UBE2R2: variants seen among roughly 807,000 people sequenced by gnomAD.
The protein encoded by UBE2R2 is ubiquitin conjugating enzyme E2 R2.
UBE2R2 carries 1 observed loss-of-function variant against 27.8 expected under a neutral mutation model. The ratio of observed to expected loss-of-function variants is 0.04; its 90% CI spans 0.01 to 0.17. UBE2R2 has a LOEUF of 0.17. Among genes scored for constraint, UBE2R2 ranks in the 10% least tolerant of loss-of-function variants. The pLI is 1.00. For synonymous variants in UBE2R2, 106 were observed against 113.3 expected, an observed-to-expected ratio of 0.94 and a Z score of 0.41; for missense variants, 100 against 291.0, an observed-to-expected ratio of 0.34 and a Z score of 4.78.
intron 1 of UBE2R2, among the ~76,000 whole-genome samples, chr9:33,834,425 T>A (rs1820567673): frequency 6.6e-6 from 1 of 151,726 alleles, no homozygotes; most frequent in South Asian, 2.1e-4. Context: ...TTGGTCAGGC[T>A]GGTCTCGCAC....
chr9:33,827,164 A>G (rs1007686870), intron 1 of UBE2R2, among the ~76,000 whole-genome samples: 1 of 152,188 alleles, frequency 6.6e-6, no homozygotes, highest in Non-Finnish European at 1.5e-5. Context: ...CGCTGTTCGA[A>G]TAAAAAAAAA....
chr9:33,860,106 CT>C (rs10606799), intron 1 of UBE2R2, among the ~76,000 whole-genome samples: 109,036 of 148,332 alleles, frequency 0.74, 40,366 homozygotes, highest in East Asian at 0.86. Flanking sequence ...CTTGCCTGCC[CT>C]TTTTTTTTTT....
At chr9:33,855,253 T>G (rs190051894) in intron 1 of UBE2R2, among the ~76,000 whole-genome samples, 4 of 152,210 alleles carry the variant, frequency 2.6e-5, no homozygotes, top group Middle Eastern at 3.2e-3. Context: ...TCCTTCAGTT[T>G]ATTTTTTTCC....
At position 33,918,600 on chromosome 9, in the gene UBE2R2, C is replaced by T. The variant is rs1359807612; in HGVS notation, c.*1363C>T. On this transcript the variant is annotated 3_prime_UTR_variant, in exon 5 of 5. Coordinates refer to ENST00000263228, the MANE Select transcript of UBE2R2 (RefSeq NM_017811.4). ...TTGAGATCCAGCAGCCTTCACCATC[C>T]AGGAGACTTCAGAACTTGAAGGTAA... 1.3e-5 allele frequency: 2 copies of T among 152,356 alleles called. No individual in the cohort carries two copies. Among genetic ancestry groups the T allele is most frequent in the African/African-American group, 4.8e-5 (2 of 41,400 alleles). The allele number at this position is 152,356 out of a possible 1,614,324, so 9.4% of individuals were successfully genotyped here.
intron 1 of UBE2R2, among the ~76,000 whole-genome samples, chr9:33,838,327 G>A (rs1365559605): frequency 6.7e-6 from 1 of 148,470 alleles, no homozygotes; most frequent in Non-Finnish European, 1.5e-5. Context: ...TAGAACCCAG[G>A]GATATGGAGG....
intron 3 of UBE2R2, among the ~76,000 whole-genome samples, chr9:33,908,135 C>G (rs992726343): frequency 6.6e-6 from 1 of 152,080 alleles, no homozygotes; most frequent in African/African-American, 2.4e-5. Flanking sequence ...TGAAATAGTT[C>G]TTAAATTCAA....
chr9:33,864,170 T>C (rs1175553141), intron 1 of UBE2R2, among the ~76,000 whole-genome samples: 2 of 152,092 alleles, frequency 1.3e-5, no homozygotes, highest in East Asian at 1.9e-4. Context: ...TGTAAGTATA[T>C]GAGGTGTTAA....
chr9:33,873,834 G>T (rs1346305212), intron 1 of UBE2R2, among the ~76,000 whole-genome samples: 1 of 152,068 alleles, frequency 6.6e-6, no homozygotes, highest in Non-Finnish European at 1.5e-5. Context: ...GTGGAGACGG[G>T]GTTTCACCAT....
At chr9:33,851,999 T>C (rs933387391) in intron 1 of UBE2R2, among the ~76,000 whole-genome samples, 4 of 152,088 alleles carry the variant, frequency 2.6e-5, no homozygotes, top group Non-Finnish European at 5.9e-5. Context: ...TCCACCGTAA[T>C]GAGATAGGTG....
intron 4 of UBE2R2, among the ~76,000 whole-genome samples, chr9:33,915,146 T>C (rs1822612702): frequency 6.8e-6 from 1 of 147,168 alleles, no homozygotes. Context: ...AAAAAAAAAA[T>C]CAAATAGTTG....
rs1454681705 is a variant in UBE2R2, at chr9:33,919,261, G to A, written c.*2024G>A. 1 of 152,132 alleles carries A rather than the reference G, an allele frequency of 6.6e-6. No homozygotes were observed. The highest frequency in any genetic ancestry group is 1.5e-5 in the Non-Finnish European group (1 of 68,032). The allele number at this position is 152,132 out of a possible 1,614,324, so 9.4% of individuals were successfully genotyped here. On this transcript the variant is annotated 3_prime_UTR_variant, in exon 5 of 5. Transcript: ENST00000263228. ...CAGATTAACCTGCAAATCTTGTGGA[G>A]CCAAAGCCTCTCACAGTGCTGATTT...
chr9:33,880,494 T>C (rs563152702), intron 1 of UBE2R2, among the ~76,000 whole-genome samples: 2 of 152,330 alleles, frequency 1.3e-5, no homozygotes, highest in East Asian at 1.9e-4. Context: ...ATATGCTATG[T>C]ATTATGTCAT....
At position 33,897,024 on chromosome 9, in the gene UBE2R2, A is replaced by ATTTTTTTTTTT. The variant is rs749987839; in HGVS notation, c.265-3130_265-3120dup. ...CCAAGTAGCATACTTCTGTGGCCTA[A>ATTTTTTTTTTT]TTTTTTTTTTTTTTTTTTTTTTTTT... On this transcript the variant is annotated intron_variant, in intron 2 of 4. Transcript: ENST00000263228. Among the ~76,000 whole-genome samples the ATTTTTTTTTTT allele has an allele frequency of 5.2e-4, 21 of 40,636 alleles. 9 individuals are homozygous for ATTTTTTTTTTT. Among genetic ancestry groups the ATTTTTTTTTTT allele is most frequent in the East Asian group, 1.9e-3 (2 of 1,040 alleles). The allele number at this position is 40,636 out of a possible 152,430, so 26.7% of individuals were successfully genotyped here.
chr9:33,846,483 T>C (rs758678329), intron 1 of UBE2R2, among the ~76,000 whole-genome samples: 4 of 152,178 alleles, frequency 2.6e-5, no homozygotes, highest in Non-Finnish European at 5.9e-5. Context: ...CCTAAAAGTA[T>C]GACATTTCAA....
At chr9:33,824,784 CAG>C (rs1326941571) in intron 1 of UBE2R2, among the ~76,000 whole-genome samples, 4 of 135,014 alleles carry the variant, frequency 3.0e-5, no homozygotes, top group Non-Finnish European at 6.1e-5. Context: ...GCCTGGGCAA[CAG>C]AGTGAAGCTC....
intron 1 of UBE2R2, among the ~76,000 whole-genome samples, chr9:33,842,259 G>A (rs1050046869): frequency 2.0e-5 from 3 of 152,024 alleles, no homozygotes; most frequent in African/African-American, 7.3e-5. Context: ...AAATTAGCTG[G>A]GCATGGTGGT....
intron 1 of UBE2R2, among the ~76,000 whole-genome samples, chr9:33,828,570 A>G (rs1381036798): frequency 6.7e-6 from 1 of 148,728 alleles, no homozygotes; most frequent in African/African-American, 2.5e-5. Context: ...TTATTTATTT[A>G]TTTATATTTG....
intron 2 of UBE2R2, among the ~76,000 whole-genome samples, chr9:33,895,833 C>T (rs1822092824): frequency 7.8e-6 from 1 of 127,976 alleles, no homozygotes; most frequent in East Asian, 2.6e-4. Context: ...AGTGCAGTGG[C>T]TCGTACTCAG....
intron 1 of UBE2R2, among the ~76,000 whole-genome samples, chr9:33,859,850 G>T (rs1046203434): frequency 1.3e-5 from 2 of 151,242 alleles, no homozygotes; most frequent in Non-Finnish European, 2.9e-5. Context: ...GACCAGGCTG[G>T]AGTGCAGTGG....
Sources: allele counts gnomAD v4.1 joint callset (sites outside exome capture counted in the v4.1 genomes callset), GRCh38; gene constraint gnomAD v4.1.1; transcripts MANE v1.5; gene names NCBI Gene and HGNC (gene_info 2026-07-23, HGNC 2026-07-21).